The following ZMAT1 variants were observed in gnomAD, a reference collection of about 807,000 sequenced individuals.
ZMAT1 encodes zinc finger matrin-type protein 1.
A neutral mutation model predicts 18.5 loss-of-function variants in ZMAT1; 11 were observed. That is an observed-to-expected ratio of 0.59 (90% CI 0.37 to 0.98). ZMAT1 has a LOEUF of 0.98. Among genes scored for constraint, ZMAT1 ranks in the 50% least tolerant of loss-of-function variants. ZMAT1 has a pLI of 0.01. For synonymous variants in ZMAT1, 211 were observed against 176.4 expected, an observed-to-expected ratio of 1.20 and a Z score of -1.55; for missense variants, 525 against 496.2, an observed-to-expected ratio of 1.06 and a Z score of -0.55.
intron 1 of ZMAT1, among the ~76,000 whole-genome samples, chrX:101,916,589 T>C (rs186555333): frequency 1.3e-3 from 147 of 111,330 alleles, no homozygotes; most frequent in African/African-American, 4.3e-3. Flanking sequence ...AGAATCAATA[T>C]TGTTAAAATC....
intron 1 of ZMAT1, among the ~76,000 whole-genome samples, chrX:101,915,991 C>T (rs1929297178): frequency 8.9e-6 from 1 of 111,784 alleles, no homozygotes; most frequent in Admixed American, 9.5e-5. Context: ...GGAACCAACC[C>T]AAATGTCCAT....
chrX:101,929,689 T>C (rs1930358686), intron 1 of ZMAT1, among the ~76,000 whole-genome samples: 1 of 110,321 alleles, frequency 9.1e-6, no homozygotes, highest in African/African-American at 3.3e-5. Flanking sequence ...TAGTAAATTG[T>C]CTCAACACTA....
At chrX:101,931,235 AAGGG>A (rs1331511479) in intron 1 of ZMAT1, among the ~76,000 whole-genome samples, 2 of 111,553 alleles carry the variant, frequency 1.8e-5, no homozygotes, top group African/African-American at 6.5e-5. Flanking sequence ...TTGAACACCA[AAGGG>A]GGTTTACTCC....
intron 1 of ZMAT1, among the ~76,000 whole-genome samples, chrX:101,929,029 C>T (rs1930243716): frequency 9.1e-6 from 1 of 110,370 alleles, no homozygotes. Flanking sequence ...TCTTTTCTTT[C>T]TTTGTTCTAT....
intron 2 of ZMAT1, 24 bp downstream of exon 2, chrX:101,904,200 C>T (rs371490087): frequency 1.8e-6 from 2 of 1,115,271 alleles, no homozygotes; most frequent in African/African-American, 3.7e-5. Context: ...GCTTTAGACC[C>T]TACTTCCATT....
intron 1 of ZMAT1, among the ~76,000 whole-genome samples, chrX:101,927,892 T>A (rs1930155364): frequency 8.9e-6 from 1 of 112,361 alleles, no homozygotes; most frequent in Admixed American, 9.4e-5. Context: ...TACAACAAGC[T>A]TAGTTAGTAT....
chrX:101,930,140 T>A (rs536347557), intron 1 of ZMAT1, among the ~76,000 whole-genome samples: 1 of 111,825 alleles, frequency 8.9e-6, no homozygotes, highest in African/African-American at 3.2e-5. Context: ...ACCAGTTGCA[T>A]CTCCAGGCAA....
chrX:101,896,458 A>G (rs1219484358), intron 4 of ZMAT1, among the ~76,000 whole-genome samples: 1 of 112,237 alleles, frequency 8.9e-6, no homozygotes, highest in Non-Finnish European at 1.9e-5. Flanking sequence ...GATTCTGTCT[A>G]TCTTTTGAAT....
chrX:101,925,111 T>C lies in ZMAT1; in HGVS notation c.292+6606A>G, dbSNP rs149709703. On this transcript the variant is annotated intron_variant, in intron 1 of 5. Transcript: ENST00000651725. ...CAGCTGCCCTGCAGAGTCAACCTGC[T>C]GCTCAGAGGAAACTGCATGAGCAAG... Among the ~76,000 whole-genome samples, 572 of 112,519 alleles carry C rather than the reference T, an allele frequency of 5.1e-3. 3 individuals carry two copies. Among genetic ancestry groups the C allele is most frequent in the African/African-American group, 0.017 (521 of 30,985 alleles).
intron 1 of ZMAT1, among the ~76,000 whole-genome samples, chrX:101,920,542 G>A (rs1013873369): frequency 8.9e-6 from 1 of 111,850 alleles, no homozygotes; most frequent in African/African-American, 3.3e-5. Context: ...AAAAGATACT[G>A]GAGTGATGAT....
chrX:101,886,869 A>C (rs1175458158), intron 4 of ZMAT1, 138 bp from the exon 5 acceptor site: 8 of 458,341 alleles, frequency 1.7e-5, no homozygotes, highest in Non-Finnish European at 2.2e-5. Flanking sequence ...AGAGAGGTCA[A>C]ATGACTTGGT....
At chrX:101,928,295 C>G (rs1930176339) in intron 1 of ZMAT1, among the ~76,000 whole-genome samples, 1 of 112,694 alleles carries the variant, frequency 8.9e-6, no homozygotes, top group African/African-American at 3.2e-5. Context: ...CTGGCACACA[C>G]ACATAGAAGT....
At chrX:101,892,149 A>G (rs1286151183) in intron 4 of ZMAT1, among the ~76,000 whole-genome samples, 2 of 111,208 alleles carry the variant, frequency 1.8e-5, no homozygotes, top group East Asian at 5.7e-4. Context: ...AAGGAAAAGG[A>G]AACAGATTAA....
At chrX:101,911,755 C>A in intron 1 of ZMAT1, 1 of 1,208,811 alleles carries the variant, frequency 8.3e-7, no homozygotes, top group Non-Finnish European at 1.1e-6. Context: ...ATGAATGTAA[C>A]CAGTGTGGCA....
intron 1 of ZMAT1, among the ~76,000 whole-genome samples, chrX:101,905,799 A>C: frequency 9.1e-6 from 1 of 110,029 alleles, no homozygotes; most frequent in Non-Finnish European, 1.9e-5. Context: ...AGATGGTAGA[A>C]TAGGACTCTT....
chrX:101,916,716 A>G, intron 1 of ZMAT1, among the ~76,000 whole-genome samples: 1 of 112,015 alleles, frequency 8.9e-6, no homozygotes, highest in Admixed American at 9.5e-5. Context: ...CAGAAGACCC[A>G]GAATAGCCAA....
At chrX:101,919,469 CTT>C (rs1424979856) in intron 1 of ZMAT1, among the ~76,000 whole-genome samples, 3 of 111,951 alleles carry the variant, frequency 2.7e-5, no homozygotes, top group Non-Finnish European at 5.6e-5. Flanking sequence ...TATCTTGACT[CTT>C]TTCATTATGC....
chrX:101,888,554 C>A lies in ZMAT1; in HGVS notation c.677-1823G>T, dbSNP rs748557502. ...GAATCTCTAGGAGTGGAATTAGGCA[C>A]CCTTACTTTTTGAAAGCTTTACACA... On this transcript the variant is annotated intron_variant, in intron 4 of 5. Coordinates refer to ENST00000651725, the MANE Select transcript of ZMAT1 (RefSeq NM_001394560.1). The A allele has an allele frequency of 5.4e-5, 6 of 111,470 alleles. No individual in the cohort carries two copies. The South Asian group carries it at 2.3e-3, about 42-fold the overall frequency. 9.2% of individuals were successfully genotyped at this position (111,470 alleles called of 1,213,427 possible). A position where few individuals can be genotyped will look rare whatever the true frequency, so the allele number is the denominator to read the frequency against.
intron 2 of ZMAT1, among the ~76,000 whole-genome samples, chrX:101,898,843 G>C (rs1928013106): frequency 9.0e-6 from 1 of 111,716 alleles, no homozygotes; most frequent in Non-Finnish European, 1.9e-5. Flanking sequence ...AAGGTCAGGA[G>C]TTCGAGACCA....
Sources: allele counts gnomAD v4.1 joint callset (sites outside exome capture counted in the v4.1 genomes callset), GRCh38; gene constraint gnomAD v4.1.1; transcripts MANE v1.5; gene names NCBI Gene and HGNC (gene_info 2026-07-23, HGNC 2026-07-21).